The following TOM1L2 variants were observed in gnomAD, a reference collection of about 807,000 sequenced individuals.
The protein encoded by TOM1L2 is TOM1-like protein 2.
TOM1L2 carries 31 observed loss-of-function variants against 67.9 expected under a neutral mutation model. The observed-to-expected ratio is 0.46, with a 90% confidence interval of 0.34 to 0.62. The LOEUF is 0.62. TOM1L2 is among the 20% of genes least tolerant of loss of function. The pLI is 0.01. For missense variants in TOM1L2, 606 were observed against 663.5 expected (o/e 0.91, Z 0.95); for synonymous variants, 256 against 254.0 (o/e 1.01, Z -0.07).
chr17:17,856,505 G>A (rs1165307387), intron 12 of TOM1L2, among the ~76,000 whole-genome samples: 1 of 152,224 alleles, frequency 6.6e-6, no homozygotes, highest in Non-Finnish European at 1.5e-5. Context: ...CATGGCCCAA[G>A]TTCCTACTCA....
chr17:17,907,690 G>A (rs1389665679), intron 1 of TOM1L2, among the ~76,000 whole-genome samples, 159 bp from the exon 2 acceptor site: 4 of 152,216 alleles, frequency 2.6e-5, no homozygotes, highest in Admixed American at 6.5e-5. Flanking sequence ...GAGAACACCC[G>A]GGAAAGGTCC....
intron 1 of TOM1L2, among the ~76,000 whole-genome samples, chr17:17,937,636 GCTTT>G (rs1489751819): frequency 1.3e-5 from 2 of 152,220 alleles, no homozygotes; most frequent in East Asian, 3.8e-4. Context: ...CTCATGAGCA[GCTTT>G]CTAAGGCTGA....
chr17:17,889,106 C>A (rs1417109990), intron 4 of TOM1L2, among the ~76,000 whole-genome samples: 7 of 152,162 alleles, frequency 4.6e-5, no homozygotes, highest in Non-Finnish European at 8.8e-5. Context: ...TGAGCCCTCG[C>A]ACATGTTGGT....
chr17:17,968,123 G>A (rs1031638700), intron 1 of TOM1L2, among the ~76,000 whole-genome samples: 3 of 152,116 alleles, frequency 2.0e-5, no homozygotes, highest in Non-Finnish European at 4.4e-5. Flanking sequence ...TCCACCAACC[G>A]CTCAGACAGA....
chr17:17,866,810 A>G, intron 9 of TOM1L2, 66 bp downstream of exon 9: 2 of 1,461,530 alleles, frequency 1.4e-6, no homozygotes, highest in Non-Finnish European at 1.9e-6. Flanking sequence ...AGGTCTCTCC[A>G]GCCTCCAAAA....
At chr17:17,952,250 C>G (rs1473143480) in intron 1 of TOM1L2, among the ~76,000 whole-genome samples, 1 of 152,050 alleles carries the variant, frequency 6.6e-6, no homozygotes, top group Non-Finnish European at 1.5e-5. Context: ...CAGTAGGATC[C>G]CATTTATACA....
chr17:17,898,687 A>G lies in TOM1L2; in HGVS notation c.138-13T>C, dbSNP rs1057219234. ...GGCATCCTTTGGCCTGGAAAAAAGA[A>G]CAGACATATAAAGATACTTACAATC... On this transcript the variant is annotated splice_polypyrimidine_tract_variant and intron_variant, in intron 2 of 14. Transcript: ENST00000379504. 6.2e-7 allele frequency: 1 copy of G among 1,614,076 alleles called. No homozygotes were observed. The highest frequency in any genetic ancestry group is 8.5e-7 in the Non-Finnish European group (1 of 1,180,014).
At chr17:17,856,150 G>A (rs978725127) in intron 12 of TOM1L2, among the ~76,000 whole-genome samples, 1 of 152,212 alleles carries the variant, frequency 6.6e-6, no homozygotes, top group Non-Finnish European at 1.5e-5. Flanking sequence ...TGTGTGGGCA[G>A]TATCCTTTTT....
At chr17:17,898,988 G>C (rs2038716013) in intron 2 of TOM1L2, among the ~76,000 whole-genome samples, 1 of 152,196 alleles carries the variant, frequency 6.6e-6, no homozygotes, top group South Asian at 2.1e-4. Context: ...AGTTATAGAA[G>C]GAAAGCAAAC....
chr17:17,954,663 T>C (rs1050680832), intron 1 of TOM1L2, among the ~76,000 whole-genome samples: 5 of 151,976 alleles, frequency 3.3e-5, no homozygotes, highest in Admixed American at 1.3e-4. Flanking sequence ...AATTTTCTGG[T>C]AGAGTTGTCC....
At chr17:17,955,341 T>G (rs548514249) in intron 1 of TOM1L2, among the ~76,000 whole-genome samples, 38 of 149,236 alleles carry the variant, frequency 2.5e-4, no homozygotes, top group African/African-American at 5.2e-4. Context: ...TTTTTTTTTT[T>G]TTTTTTTTTG....
rs932144062 is a variant in TOM1L2 at position 17,848,080 on chromosome 17, G to C, written c.1376-297C>G. The stretch of plus-strand genomic sequence containing the variant: ...TCCATTTTCCAGATCAGCACTGGGG[G>C]TGGGGCAGGGTAAGCTGGAGGGGCC... On this transcript the variant is annotated intron_variant, in intron 14 of 14. Transcript: ENST00000379504. Among the ~76,000 whole-genome samples, 8 of 152,118 alleles carry C rather than the reference G, an allele frequency of 5.3e-5. No homozygotes were observed. In the East Asian group the frequency reaches 1.5e-3, roughly 29 times the overall value.
chr17:17,940,940 CT>C (rs1232059929), intron 1 of TOM1L2, among the ~76,000 whole-genome samples: 2 of 152,204 alleles, frequency 1.3e-5, no homozygotes, highest in East Asian at 3.8e-4. Context: ...GGAGGCTTCT[CT>C]ATGATGCTTG....
chr17:17,969,264 T>C (rs1256630370), intron 1 of TOM1L2, among the ~76,000 whole-genome samples: 1 of 151,958 alleles, frequency 6.6e-6, no homozygotes, highest in Admixed American at 6.6e-5. Flanking sequence ...ACCATATTGG[T>C]CAGGCTGGCC....
chr17:17,868,962 C>T (rs2036999188), intron 8 of TOM1L2: 1 of 160,220 alleles, frequency 6.2e-6, no homozygotes, highest in Non-Finnish European at 1.4e-5. Context: ...GATTTTTTTT[C>T]CCTTTAATCC....
At chr17:17,909,438 C>T (rs964207825) in intron 1 of TOM1L2, among the ~76,000 whole-genome samples, 10 of 152,098 alleles carry the variant, frequency 6.6e-5, no homozygotes, top group African/African-American at 2.4e-4. Context: ...AATCCTATTG[C>T]ATGCACAATA....
intron 1 of TOM1L2, among the ~76,000 whole-genome samples, chr17:17,936,795 GAAAATACACCA>G (rs1161106743): frequency 6.6e-6 from 1 of 152,174 alleles, no homozygotes; most frequent in Non-Finnish European, 1.5e-5. Context: ...AATACAGGAA[GAAAATACACCA>G]AAATGTTTAT....
At chr17:17,909,377 C>A (rs964060744) in intron 1 of TOM1L2, among the ~76,000 whole-genome samples, 1 of 151,672 alleles carries the variant, frequency 6.6e-6, no homozygotes. Flanking sequence ...AATGGATAAG[C>A]CAAATGGATA....
At chr17:17,953,345 G>T (rs1012491384) in intron 1 of TOM1L2, among the ~76,000 whole-genome samples, 2 of 152,134 alleles carry the variant, frequency 1.3e-5, no homozygotes, top group African/African-American at 4.8e-5. Context: ...AAAAACAAAA[G>T]ACTGCAGAGA....
Sources: allele counts gnomAD v4.1 joint callset (sites outside exome capture counted in the v4.1 genomes callset), GRCh38; gene constraint gnomAD v4.1.1; transcripts MANE v1.5; gene names NCBI Gene and HGNC (gene_info 2026-07-23, HGNC 2026-07-21).